SLURP2: variants seen among roughly 807,000 people sequenced by gnomAD.
The protein encoded by SLURP2 is secreted Ly-6/uPAR domain-containing protein 2.
In SLURP2, 4 loss-of-function variants were observed where a neutral mutation model predicts 9.8. The observed-to-expected ratio is 0.41, with a 90% CI of 0.20 to 0.94. The LOEUF (loss-of-function observed/expected upper bound fraction) is 0.94, where lower values mean the gene tolerates loss of function less well. Ranked by LOEUF, SLURP2 falls within the 40% of genes least tolerant of loss-of-function variation. The pLI is 0.32. For missense variants in SLURP2, 118 were observed against 126.4 expected, an observed-to-expected ratio of 0.93 and a Z score of 0.32; for synonymous variants, 58 against 56.2, an observed-to-expected ratio of 1.03 and a Z score of -0.15.
Position 142,764,459 on chromosome 8 carries a change from C to T in SLURP2, c.*146G>A, listed in dbSNP as rs369911511. On this transcript the variant is annotated 3_prime_UTR_variant, in exon 3 of 3. Transcript: ENST00000317543. Reference sequence around the variant, plus strand: ...GAGGCAAGACTCCACGCAGGACTTCCCTAGGACAAGCGGTGCTGGACGGTG... The same window carrying T: ...GAGGCAAGACTCCACGCAGGACTTCTCTAGGACAAGCGGTGCTGGACGGTG... 233 of 887,778 alleles carry T rather than the reference C, an allele frequency of 2.6e-4. 1 individual carries two copies. In the African/African-American group the frequency reaches 3.6e-3, roughly 14 times the overall value. The allele number at this position is 887,778 out of a possible 1,614,324, so 55.0% of individuals were successfully genotyped here.
chr8:142,767,862 T>C (rs925770258), intron 1 of SLURP2, among the ~76,000 whole-genome samples: 1 of 151,982 alleles, frequency 6.6e-6, no homozygotes, highest in African/African-American at 2.4e-5. Context: ...TCCCCTGCAC[T>C]TAATGAGGCC....
chr8:142,767,645 C>A (rs1046000063), intron 1 of SLURP2, among the ~76,000 whole-genome samples: 2 of 152,302 alleles, frequency 1.3e-5, no homozygotes, highest in South Asian at 2.1e-4. Context: ...GCAAATGCCA[C>A]CCCCTCCAGG....
chr8:142,765,342 C>A (rs1448101990), intron 1 of SLURP2, among the ~76,000 whole-genome samples: 1 of 152,136 alleles, frequency 6.6e-6, no homozygotes, highest in Non-Finnish European at 1.5e-5. Flanking sequence ...GCAGCTGGAG[C>A]CAGCTGGTTG....
rs904462252 is a variant in SLURP2 at position 142,764,423 on chromosome 8, G to C, written c.*182C>G. 9 of 719,874 alleles carry C rather than the reference G, an allele frequency of 1.3e-5. No individual in the cohort carries two copies. Among genetic ancestry groups the C allele is most frequent in the Non-Finnish European group, 1.5e-5 (6 of 411,468 alleles). The allele number at this position is 719,874 out of a possible 1,614,324, so 44.6% of individuals were successfully genotyped here. ...GGCACGATGGGCCCCAGGCTTGGAC[G>C]GCAGCAGATTGAGGCAAGACTCCAC... On this transcript the variant is annotated 3_prime_UTR_variant, in exon 3 of 3. Transcript: ENST00000317543.
At chr8:142,769,177 G>A (rs1427741505) in intron 1 of SLURP2, among the ~76,000 whole-genome samples, 1 of 151,586 alleles carries the variant, frequency 6.6e-6, no homozygotes, top group African/African-American at 2.4e-5. Context: ...GAAGCTGGGG[G>A]GACAGGGCCA....
chr8:142,764,473 T>C lies in SLURP2; in HGVS notation c.*132A>G. 1.1e-6 allele frequency: 1 copy of C among 947,584 alleles called. No homozygotes were observed. The highest frequency in any genetic ancestry group is 2.6e-5 in the East Asian group (1 of 38,200). The allele number at this position is 947,584 out of a possible 1,614,324, so 58.7% of individuals were successfully genotyped here. ...CGCAGGACTTCCCTAGGACAAGCGGTGCTGGACGGTGGCTGCAGAGGCCGG... is the reference window on the plus strand; with the variant it reads ...CGCAGGACTTCCCTAGGACAAGCGGCGCTGGACGGTGGCTGCAGAGGCCGG... On this transcript the variant is annotated 3_prime_UTR_variant, in exon 3 of 3. Coordinates refer to ENST00000317543, the MANE Select transcript of SLURP2 (RefSeq NM_177458.3).
In SLURP2 at chr8:142,765,967, A is replaced by AAAAAAAAAC. The variant is rs1554645215; in HGVS notation, c.53-828_53-827insGTTTTTTTT. On this transcript the variant is annotated intron_variant, in intron 1 of 2. Transcript: ENST00000317543. ...GACAGAGCAAGACTCCACCTCAAAAAAAAAAACAAAAAACAAAAAACAAAA... is the reference window on the plus strand; with the variant it reads ...GACAGAGCAAGACTCCACCTCAAAAAAAAAAAAACAAAAAACAAAAAACAAAAAACAAAA... Among the ~76,000 whole-genome samples the AAAAAAAAAC allele has an allele frequency of 4.4e-5, 6 of 135,944 alleles. No individual in the cohort carries two copies. In the East Asian group the frequency reaches 1.2e-3, roughly 28 times the overall value. 89.2% of individuals were successfully genotyped at this position (135,944 alleles called of 152,430 possible).
rs1815074971 is a variant in SLURP2, at chr8:142,768,530, C to G, written c.52+1225G>C. ...TGGGATTTCAGCAGAAGGAAGGGCT[C>G]CAGGAGCCCTGGTGCAGGGAAGGGC... On this transcript the variant is annotated intron_variant, in intron 1 of 2. Coordinates refer to ENST00000317543, the MANE Select transcript of SLURP2 (RefSeq NM_177458.3). The surrounding 1 kb of genome is among the most constrained non-coding windows in gnomAD (Gnocchi z 4.8). Among the ~76,000 whole-genome samples, 1 of 152,032 alleles carries G rather than the reference C, an allele frequency of 6.6e-6. No homozygotes were observed. The highest frequency in any genetic ancestry group is 6.5e-5 in the Admixed American group (1 of 15,278).
chr8:142,764,484 G>A lies in SLURP2; in HGVS notation c.*121C>T. The A allele has an allele frequency of 9.8e-7, 1 of 1,018,982 alleles. No individual in the cohort carries two copies. The highest frequency in any genetic ancestry group is 1.5e-6 in the Non-Finnish European group (1 of 671,092). 63.1% of individuals were successfully genotyped at this position (1,018,982 alleles called of 1,614,324 possible). A position where few individuals can be genotyped will look rare whatever the true frequency, so the allele number is the denominator to read the frequency against. ...CCTAGGACAAGCGGTGCTGGACGGT[G>A]GCTGCAGAGGCCGGGAGAGGTGGGC... is the stretch of plus-strand genomic sequence containing the variant. On this transcript the variant is annotated 3_prime_UTR_variant, in exon 3 of 3. Transcript: ENST00000317543.
At chr8:142,767,682 G>A (rs587634340) in intron 1 of SLURP2, among the ~76,000 whole-genome samples, 52 of 152,226 alleles carry the variant, frequency 3.4e-4, no homozygotes, top group African/African-American at 1.1e-3. Context: ...CCAGGGCAGA[G>A]TGAATGGTTC....
rs768812777 is a variant in SLURP2 at position 142,764,422 on chromosome 8, C to T, written c.*183G>A. 15 of 718,976 alleles carry T rather than the reference C, an allele frequency of 2.1e-5. No individual in the cohort carries two copies. The highest frequency in any genetic ancestry group is 7.2e-4 in the Middle Eastern group (2 of 2,772). 44.5% of individuals were successfully genotyped at this position (718,976 alleles called of 1,614,324 possible). Reference sequence around the variant, plus strand: ...AGGCACGATGGGCCCCAGGCTTGGACGGCAGCAGATTGAGGCAAGACTCCA... The same window carrying T: ...AGGCACGATGGGCCCCAGGCTTGGATGGCAGCAGATTGAGGCAAGACTCCA... On this transcript the variant is annotated 3_prime_UTR_variant, in exon 3 of 3. Transcript: ENST00000317543.
chr8:142,765,216 A>G, intron 1 of SLURP2, 76 bp from the exon 2 acceptor site: 7 of 1,093,622 alleles, frequency 6.4e-6, no homozygotes, highest in Non-Finnish European at 8.1e-6. Context: ...GACGGCACGC[A>G]CTCATCTCCA....
chr8:142,764,918 A>G lies in SLURP2; in HGVS notation c.157+118T>C, dbSNP rs587644822. 3.6e-6 allele frequency: 4 copies of G among 1,118,504 alleles called. No individual in the cohort carries two copies. The East Asian group carries it at 7.7e-5, about 21-fold the overall frequency. The allele number at this position is 1,118,504 out of a possible 1,614,324, so 69.3% of individuals were successfully genotyped here. ...CCTTCCCTGGGCATCACTGGCGGAC[A>G]CTCCCCACTATGCTTCTGACTTACT... On this transcript the variant is annotated intron_variant, in intron 2 of 2. Transcript: ENST00000317543.
intron 1 of SLURP2, among the ~76,000 whole-genome samples, chr8:142,766,985 C>A (rs1474239333): frequency 6.6e-6 from 1 of 152,258 alleles, no homozygotes; most frequent in Non-Finnish European, 1.5e-5. Flanking sequence ...CTGCCCCCGC[C>A]TCACTGTTGC....
chr8:142,769,628 T>C (rs1815113041), intron 1 of SLURP2, 127 bp downstream of exon 1: 1 of 766,930 alleles, frequency 1.3e-6, no homozygotes. Flanking sequence ...CTGCACCTGG[T>C]AGATGGTGGG....
rs587737087 is a variant in SLURP2, at chr8:142,768,405, A to G, written c.52+1350T>C. 1.1e-4 allele frequency among the ~76,000 whole-genome samples: 16 copies of G among 152,224 alleles called. No homozygotes were observed. Among genetic ancestry groups the G allele is most frequent in the African/African-American group, 3.9e-4 (16 of 41,520 alleles). On this transcript the variant is annotated intron_variant, in intron 1 of 2. Coordinates refer to ENST00000317543, the MANE Select transcript of SLURP2 (RefSeq NM_177458.3). The surrounding 1 kb of genome is among the most constrained non-coding windows in gnomAD (Gnocchi z 4.8). The stretch of plus-strand genomic sequence containing the variant: ...CCATGTATGGCAGAGAGCAGACACC[A>G]AGCAATGACAGGGGATGCAGGTGCC...
chr8:142,767,545 GC>G (rs1815043265), intron 1 of SLURP2, among the ~76,000 whole-genome samples: 1 of 152,318 alleles, frequency 6.6e-6, no homozygotes, highest in Middle Eastern at 3.4e-3. Context: ...ACCAGCTCCA[GC>G]CTGTCCACTA....
Position 142,764,649 on chromosome 8 carries a change from C to T in SLURP2, c.250G>A (p.Val84Ile), listed in dbSNP as rs145430405. Residue 84 changes from valine (V) to isoleucine (I), a missense_variant, in exon 3 of 3, where the codon GTA (valine) becomes ATA (isoleucine). Transcript: ENST00000317543. ...DIPSLGLGPY[V>I]SIACCQTSLC... ...CTGGTCTGGCAGCAAGCGATGGATA[C>T]GTAGGGGCCCAGGCCCAGGCTGGGG... 2.7e-4 allele frequency: 439 copies of T among 1,609,800 alleles called. 1 individual carries two copies. Among genetic ancestry groups the T allele is most frequent in the Non-Finnish European group, 3.5e-4 (412 of 1,178,748 alleles).
At position 142,764,701 on chromosome 8, in the gene SLURP2, C is replaced by G. The variant is rs199902999; in HGVS notation, c.198G>C (p.Lys66Asn). ...SNTEDLPLVT[K>N]MCHIGCPDIP... ...TATCGGGGCAGCCTATGTGGCACAT[C>G]TTGGTGACCAGAGGCAAATCCTCGG... is the stretch of plus-strand genomic sequence containing the variant. The change falls in exon 3 of 3, where the codon AAG (lysine) becomes AAC (asparagine). Residue 66 changes from lysine (K) to asparagine (N), a missense_variant. Lys to Asn is a moderately conservative substitution (Grantham distance 94, BLOSUM62 0). Coordinates refer to ENST00000317543, the MANE Select transcript of SLURP2 (RefSeq NM_177458.3). 4.3e-6 allele frequency: 7 copies of G among 1,613,122 alleles called. No individual in the cohort carries two copies. The highest frequency in any genetic ancestry group is 5.9e-6 in the Non-Finnish European group (7 of 1,179,736).
Sources: allele counts gnomAD v4.1 joint callset (sites outside exome capture counted in the v4.1 genomes callset), GRCh38; gene constraint gnomAD v4.1.1; non-coding constraint Gnocchi (gnomAD v3.1); transcripts MANE v1.5; gene names NCBI Gene and HGNC (gene_info 2026-07-23, HGNC 2026-07-21).